RBFOX1: variants seen among roughly 807,000 people sequenced by gnomAD.
RBFOX1 encodes RNA binding protein fox-1 homolog 1.
In RBFOX1, 8 loss-of-function variants were observed where a neutral mutation model predicts 57.7. The observed-to-expected ratio is 0.14, with a 90% confidence interval of 0.08 to 0.25. The LOEUF (loss-of-function observed/expected upper bound fraction) is 0.25. Among genes scored for constraint, RBFOX1 ranks in the 10% least tolerant of loss-of-function variants. The pLI is 1.00. For synonymous variants in RBFOX1, 326 were observed against 222.4 expected (o/e 1.47, Z -4.15); for missense variants, 611 against 548.5 (o/e 1.11, Z -1.14).
intron 4 of RBFOX1, among the ~76,000 whole-genome samples, chr16:5,870,398 G>A (rs929329791): frequency 4.1e-5 from 6 of 147,584 alleles, no homozygotes; most frequent in Non-Finnish European, 8.9e-5. Flanking sequence ...AAAAATGAAG[G>A]CACTTGGCAA....
chr16:7,205,329 C>T (rs1186697905), intron 4 of RBFOX1, among the ~76,000 whole-genome samples: 1 of 151,858 alleles, frequency 6.6e-6, no homozygotes, highest in Non-Finnish European at 1.5e-5. Flanking sequence ...ACCAGTCTGG[C>T]CAACATGGTG....
At chr16:7,136,694 G>T (rs181629467) in intron 4 of RBFOX1, among the ~76,000 whole-genome samples, 4 of 152,014 alleles carry the variant, frequency 2.6e-5, no homozygotes, top group Non-Finnish European at 5.9e-5. Context: ...TGGGATTACG[G>T]GTGTGAGTCA....
intron 4 of RBFOX1, among the ~76,000 whole-genome samples, chr16:7,192,729 G>A (rs2152650059): frequency 6.6e-6 from 1 of 152,292 alleles, no homozygotes; most frequent in African/African-American, 2.4e-5. Flanking sequence ...GTGACTGGGT[G>A]AGAGACCCAG....
intron 4 of RBFOX1, among the ~76,000 whole-genome samples, chr16:7,274,379 A>G (rs1276234568): frequency 6.6e-6 from 1 of 152,194 alleles, no homozygotes; most frequent in Non-Finnish European, 1.5e-5. Context: ...GAGATACACA[A>G]TAAAGAAGAG....
At chr16:5,626,928 A>G (rs9674437) in intron 3 of RBFOX1, among the ~76,000 whole-genome samples, 8,850 of 152,136 alleles carry the variant, frequency 0.058, 834 homozygotes, top group African/African-American at 0.2. Flanking sequence ...GAACATCTAC[A>G]TTTCTGTTGG....
intron 3 of RBFOX1, among the ~76,000 whole-genome samples, chr16:6,945,945 A>G (rs964042805): frequency 3.9e-5 from 6 of 152,212 alleles, no homozygotes; most frequent in African/African-American, 1.2e-4. Context: ...GGCGTTTACC[A>G]TTTCAAGGCA....
At chr16:6,013,793 C>G (rs1292597619) in intron 4 of RBFOX1, among the ~76,000 whole-genome samples, 1 of 152,032 alleles carries the variant, frequency 6.6e-6, no homozygotes, top group Non-Finnish European at 1.5e-5. Context: ...GGTTCCAAGT[C>G]TTTGCTATTG....
chr16:6,651,945 T>G (rs1454297328), intron 2 of RBFOX1, among the ~76,000 whole-genome samples: 1 of 152,218 alleles, frequency 6.6e-6, no homozygotes, highest in Non-Finnish European at 1.5e-5. Context: ...GACATTATGC[T>G]AAGTGAAATA....
At chr16:5,690,621 C>T (rs867568021) in intron 3 of RBFOX1, among the ~76,000 whole-genome samples, 5 of 152,118 alleles carry the variant, frequency 3.3e-5, no homozygotes, top group Admixed American at 6.5e-5. Flanking sequence ...GGCAAGGACT[C>T]GATTTTACTT....
intron 14 of RBFOX1, among the ~76,000 whole-genome samples, chr16:7,688,169 A>T (rs2076476629): frequency 6.6e-6 from 1 of 151,480 alleles, no homozygotes; most frequent in African/African-American, 2.4e-5. Context: ...AGGCCAGAAG[A>T]CCAACTTCTC....
At chr16:6,942,211 C>T (rs1043685133) in intron 3 of RBFOX1, among the ~76,000 whole-genome samples, 2 of 152,176 alleles carry the variant, frequency 1.3e-5, no homozygotes, top group Non-Finnish European at 2.9e-5. Context: ...TGTGCTCCAA[C>T]CTGGGTGACA....
chr16:7,541,795 C>T (rs967485844), intron 5 of RBFOX1, among the ~76,000 whole-genome samples: 1 of 152,170 alleles, frequency 6.6e-6, no homozygotes, highest in South Asian at 2.1e-4. Context: ...CTGTTTCTTC[C>T]TCTGGCAAAT....
intron 5 of RBFOX1, among the ~76,000 whole-genome samples, chr16:7,526,444 G>C (rs1362880061): frequency 6.6e-6 from 1 of 152,108 alleles, no homozygotes; most frequent in Non-Finnish European, 1.5e-5. Flanking sequence ...GCTGACCATT[G>C]AACCTCTCTG....
chr16:7,021,745 A>G (rs1377403369), intron 3 of RBFOX1, among the ~76,000 whole-genome samples: 1 of 150,758 alleles, frequency 6.6e-6, no homozygotes, highest in Non-Finnish European at 1.5e-5. Flanking sequence ...GACCCTAAAA[A>G]CAAGAGTAAC....
intron 4 of RBFOX1, among the ~76,000 whole-genome samples, chr16:5,988,073 T>C (rs2060317050): frequency 6.6e-6 from 1 of 152,190 alleles, no homozygotes; most frequent in African/African-American, 2.4e-5. Context: ...TCTACATACA[T>C]GTGCTCCCGA....
intron 1 of RBFOX1, among the ~76,000 whole-genome samples, chr16:5,264,833 A>G (rs2062819563): frequency 6.6e-6 from 1 of 152,122 alleles, no homozygotes. Flanking sequence ...TGCAACCCCC[A>G]TTAGCCTTAG....
chr16:7,475,379 ATC>A (rs1159604313), intron 4 of RBFOX1, among the ~76,000 whole-genome samples: 1 of 146,598 alleles, frequency 6.8e-6, no homozygotes, highest in Non-Finnish European at 1.5e-5. Flanking sequence ...CAGTGGCGCG[ATC>A]TCGGCTCACT....
At chr16:7,662,652 G>A (rs1597539509) in intron 12 of RBFOX1, among the ~76,000 whole-genome samples, 1 of 152,204 alleles carries the variant, frequency 6.6e-6, no homozygotes, top group Non-Finnish European at 1.5e-5. Context: ...TTGACGAGTG[G>A]CTCTGATAAG....
intron 3 of RBFOX1, among the ~76,000 whole-genome samples, chr16:6,947,903 A>G (rs1335244647): frequency 1.3e-5 from 2 of 152,080 alleles, no homozygotes; most frequent in African/African-American, 4.8e-5. Context: ...CAGCCCCCCA[A>G]GTAGCTGGGA....
Sources: allele counts gnomAD v4.1 joint callset (sites outside exome capture counted in the v4.1 genomes callset), GRCh38; gene constraint gnomAD v4.1.1; transcripts MANE v1.5; gene names NCBI Gene and HGNC (gene_info 2026-07-23, HGNC 2026-07-21).